Variants in SPEF2 observed in about 807,000 individuals in gnomAD.
The protein encoded by SPEF2 is sperm flagella and cilia-associated protein 2.
Under a neutral mutation model 224.6 loss-of-function variants are expected in SPEF2, and 187 were observed. The ratio of observed to expected loss-of-function variants is 0.83; its 90% CI spans 0.74 to 0.94. The LOEUF (loss-of-function observed/expected upper bound fraction) is 0.94. Among genes scored for constraint, SPEF2 ranks in the 40% least tolerant of loss-of-function variants. SPEF2 has a pLI of 0.00. For missense variants in SPEF2, 2,170 were observed against 2,135.6 expected, an observed-to-expected ratio of 1.02 and a Z score of -0.32; for synonymous variants, 715 against 707.3, an observed-to-expected ratio of 1.01 and a Z score of -0.17.
chr5:35,727,395 T>TC (rs1744846000), intron 20 of SPEF2, among the ~76,000 whole-genome samples: 1 of 152,190 alleles, frequency 6.6e-6, no homozygotes, highest in Non-Finnish European at 1.5e-5. Flanking sequence ...TTTATAAAAG[T>TC]CACATGTTCA....
intron 10 of SPEF2, among the ~76,000 whole-genome samples, chr5:35,681,836 A>G (rs1263971789): frequency 6.6e-6 from 1 of 152,176 alleles, no homozygotes; most frequent in African/African-American, 2.4e-5. Flanking sequence ...CCAAGTGGTA[A>G]TTGTGCTCCA....
chr5:35,723,299 T>C (rs146319807), intron 20 of SPEF2, among the ~76,000 whole-genome samples: 1,548 of 152,278 alleles, frequency 0.01, 32 homozygotes, highest in African/African-American at 0.035. Context: ...GCTCTTCAAG[T>C]ATGGTTTTGG....
chr5:35,649,304 T>A, intron 5 of SPEF2, 57 bp from the exon 6 acceptor site: 2 of 1,404,628 alleles, frequency 1.4e-6, no homozygotes, highest in South Asian at 2.5e-5. Flanking sequence ...AATGTGTAAA[T>A]GAAGATTTTT....
chr5:35,745,627 C>A (rs1323087346), intron 23 of SPEF2, among the ~76,000 whole-genome samples: 1 of 152,164 alleles, frequency 6.6e-6, no homozygotes, highest in Non-Finnish European at 1.5e-5. Context: ...CTCCAGTGAC[C>A]TGGGAATCTC....
chr5:35,789,942 C>G lies in SPEF2; in HGVS notation c.4448-2398C>G, dbSNP rs183814621. ...TATGCCAGGTAAGCAAGAAAGCAAG[C>G]TGAGGAAAGTGGTGGATATTTATAA... On this transcript the variant is annotated intron_variant, in intron 30 of 36. Coordinates refer to ENST00000356031, the MANE Select transcript of SPEF2 (RefSeq NM_024867.4). 5.3e-4 allele frequency: 375 copies of G among 702,644 alleles called. 5 individuals carry two copies. In the East Asian group the frequency reaches 9.0e-3, roughly 17 times the overall value. The allele number at this position is 702,644 out of a possible 1,614,324, so 43.5% of individuals were successfully genotyped here.
intron 1 of SPEF2, among the ~76,000 whole-genome samples, chr5:35,621,959 A>C (rs908493059): frequency 6.6e-6 from 1 of 152,186 alleles, no homozygotes; most frequent in African/African-American, 2.4e-5. Flanking sequence ...TTCCAATGTT[A>C]CTTCTACTAC....
intron 18 of SPEF2, 150 bp from the exon 19 acceptor site, chr5:35,708,798 G>T: frequency 1.7e-6 from 1 of 593,556 alleles, no homozygotes; most frequent in Non-Finnish European, 2.6e-6. Flanking sequence ...TAGCTTTAAG[G>T]ACTAGATGAT....
intron 15 of SPEF2, chr5:35,698,172 G>T (rs952665393): frequency 1.2e-5 from 2 of 160,242 alleles, no homozygotes; most frequent in African/African-American, 4.8e-5. Context: ...AGGTCAGCAG[G>T]CTGGAGAAAA....
At chr5:35,696,772 G>A (rs932517937) in intron 14 of SPEF2, among the ~76,000 whole-genome samples, 1 of 152,142 alleles carries the variant, frequency 6.6e-6, no homozygotes, top group Non-Finnish European at 1.5e-5. Flanking sequence ...AGGGGAGCAG[G>A]AACACAGGCC....
At chr5:35,795,129 A>G (rs1756482575) in intron 32 of SPEF2, among the ~76,000 whole-genome samples, 1 of 152,110 alleles carries the variant, frequency 6.6e-6, no homozygotes, top group African/African-American at 2.4e-5. Context: ...GCGGAAATGA[A>G]GTTCTAATTG....
At chr5:35,784,203 C>T (rs778598014) in intron 30 of SPEF2, among the ~76,000 whole-genome samples, 1 of 151,558 alleles carries the variant, frequency 6.6e-6, no homozygotes, top group Non-Finnish European at 1.5e-5. Context: ...TCTTTGCTCA[C>T]TGCAAGCTCT....
At position 35,793,358 on chromosome 5, in the gene SPEF2, G is replaced by C. The variant is rs561761818; in HGVS notation, c.4737+17G>C. On this transcript the variant is annotated intron_variant, in intron 32 of 36. Transcript: ENST00000356031. Reference sequence around the variant, plus strand: ...TATATGCAGGTTGTTACCAGCACCTGATGGCATTGATAACACCAGAACACT... The same window carrying C: ...TATATGCAGGTTGTTACCAGCACCTCATGGCATTGATAACACCAGAACACT... 6.2e-7 allele frequency: 1 copy of C among 1,604,556 alleles called. No individual in the cohort carries two copies. The highest frequency in any genetic ancestry group is 2.2e-5 in the East Asian group (1 of 44,804).
At chr5:35,694,411 C>T in intron 13 of SPEF2, 48 bp downstream of exon 13, 1 of 1,482,904 alleles carries the variant, frequency 6.7e-7, no homozygotes, top group South Asian at 1.2e-5. Context: ...GAGAGAGAAA[C>T]AATGAGAGCA....
intron 2 of SPEF2, among the ~76,000 whole-genome samples, chr5:35,632,621 T>A (rs543022084): frequency 6.6e-6 from 1 of 152,322 alleles, no homozygotes; most frequent in East Asian, 1.9e-4. Context: ...GGGTTTAGTT[T>A]TCTTTTTGTA....
intron 6 of SPEF2, among the ~76,000 whole-genome samples, chr5:35,652,143 C>T (rs1748284360): frequency 6.6e-6 from 1 of 152,114 alleles, no homozygotes; most frequent in Non-Finnish European, 1.5e-5. Context: ...AAAATATAAT[C>T]ACTGCCCTCA....
chr5:35,791,226 G>T (rs1755905601), intron 30 of SPEF2, among the ~76,000 whole-genome samples: 1 of 152,126 alleles, frequency 6.6e-6, no homozygotes, highest in Non-Finnish European at 1.5e-5. Context: ...CAGGTTTGAT[G>T]AAAAAGGATA....
chr5:35,779,915 G>A (rs868861250), intron 30 of SPEF2, among the ~76,000 whole-genome samples: 1 of 152,178 alleles, frequency 6.6e-6, no homozygotes, highest in African/African-American at 2.4e-5. Context: ...TGGACCTACA[G>A]CATCTGCACA....
rs1029480793 is a variant in SPEF2, at chr5:35,690,112, C to T, written c.1525-925C>T. Among the ~76,000 whole-genome samples, 8 of 151,832 alleles carry T rather than the reference C, an allele frequency of 5.3e-5. No homozygotes were observed. The South Asian group carries it at 1.5e-3, about 28-fold the overall frequency. On this transcript the variant is annotated intron_variant, in intron 10 of 36. Coordinates refer to ENST00000356031, the MANE Select transcript of SPEF2 (RefSeq NM_024867.4). ...TTTTTTATTTTATTTTTTATTGATA[C>T]ATAATAAACACATGTATTGATGCAT...
At chr5:35,753,787 C>A in intron 24 of SPEF2, 26 bp downstream of exon 24, 1 of 1,613,222 alleles carries the variant, frequency 6.2e-7, no homozygotes, top group Non-Finnish European at 8.5e-7. Context: ...CACAATAACC[C>A]AGGCACTTCC....
Sources: allele counts gnomAD v4.1 joint callset (sites outside exome capture counted in the v4.1 genomes callset), GRCh38; gene constraint gnomAD v4.1.1; transcripts MANE v1.5; gene names NCBI Gene and HGNC (gene_info 2026-07-23, HGNC 2026-07-21).